Variants in TNNI3K observed in about 807,000 individuals in gnomAD.
TNNI3K encodes serine/threonine-protein kinase TNNI3K.
TNNI3K carries 140 observed loss-of-function variants against 114.5 expected under a neutral mutation model. That is an observed-to-expected ratio of 1.22 (90% CI 1.07 to 1.41). TNNI3K has a LOEUF of 1.41. Among genes scored for constraint, TNNI3K ranks in the 40% most tolerant of loss-of-function variants. The probability of loss-of-function intolerance (pLI) is 0.00; values close to 1 mark genes in which losing one functional copy is unlikely to be tolerated. For missense variants in TNNI3K, 1,125 were observed against 1,007.6 expected (o/e 1.12, Z -1.58); for synonymous variants, 347 against 347.5 (o/e 1.00, Z 0.02).
chr1:74,371,798 C>T (rs1189885322), intron 17 of TNNI3K: 3 of 151,444 alleles, frequency 2.0e-5, no homozygotes, highest in Non-Finnish European at 4.4e-5. Flanking sequence ...AGCTGAAAAT[C>T]ACAAATTTGG....
chr1:74,379,834 C>A (rs1663107216), intron 17 of TNNI3K, among the ~76,000 whole-genome samples: 2 of 152,062 alleles, frequency 1.3e-5, no homozygotes, highest in African/African-American at 4.8e-5. Context: ...CTGAGTTGTC[C>A]TCTTTTTGTC....
At chr1:74,309,025 T>C (rs1350422780) in intron 5 of TNNI3K, among the ~76,000 whole-genome samples, 3 of 151,914 alleles carry the variant, frequency 2.0e-5, no homozygotes, top group African/African-American at 7.3e-5. Context: ...CTACCAACCA[T>C]AAAAAGCACT....
intron 21 of TNNI3K, 30 bp downstream of exon 21, chr1:74,463,580 T>C (rs1006694537): frequency 1.1e-5 from 17 of 1,610,116 alleles, no homozygotes; most frequent in Non-Finnish European, 1.1e-5. Flanking sequence ...TCTTAGAAAA[T>C]GTGTTATGGT....
chr1:74,416,618 C>T (rs1665127110), intron 17 of TNNI3K: 1 of 915,488 alleles, frequency 1.1e-6, no homozygotes, highest in South Asian at 5.0e-5. Context: ...CTCTTCTATT[C>T]ATTATTTTCC....
At chr1:74,327,622 A>G (rs1659980594) in intron 5 of TNNI3K, among the ~76,000 whole-genome samples, 1 of 139,474 alleles carries the variant, frequency 7.2e-6, no homozygotes, top group Non-Finnish European at 1.5e-5. Context: ...TATTAATAGT[A>G]TTATTATATG....
rs200416457 is a variant in TNNI3K, at chr1:74,544,189, A to G, written c.*207A>G. On this transcript the variant is annotated 3_prime_UTR_variant, in exon 25 of 25. Coordinates refer to ENST00000326637, the MANE Select transcript of TNNI3K (RefSeq NM_015978.3). ...ATAATATGCAAAAGAACCAAGACAG[A>G]ATGTATATGAAGAATTGTTTTTAAT... 3 of 509,342 alleles carry G rather than the reference A, an allele frequency of 5.9e-6. No individual in the cohort carries two copies. Among genetic ancestry groups the G allele is most frequent in the Non-Finnish European group, 1.0e-5 (3 of 297,748 alleles). 31.6% of individuals were successfully genotyped at this position (509,342 alleles called of 1,614,324 possible).
intron 21 of TNNI3K, among the ~76,000 whole-genome samples, chr1:74,481,909 T>A (rs1268236877): frequency 6.6e-6 from 1 of 151,970 alleles, no homozygotes; most frequent in African/African-American, 2.4e-5. Flanking sequence ...AAATCACAAA[T>A]CCCTTAGGAA....
At chr1:74,401,426 C>G (rs2100591243) in intron 17 of TNNI3K, among the ~76,000 whole-genome samples, 1 of 152,210 alleles carries the variant, frequency 6.6e-6, no homozygotes, top group African/African-American at 2.4e-5. Flanking sequence ...TTTAATAACA[C>G]TATCAGTGAG....
intron 11 of TNNI3K, among the ~76,000 whole-genome samples, chr1:74,365,884 A>G (rs1662244411): frequency 6.6e-6 from 1 of 152,060 alleles, no homozygotes; most frequent in Non-Finnish European, 1.5e-5. Context: ...ATAAGAAAAT[A>G]GACACTAGTT....
chr1:74,292,905 A>G (rs902489568), intron 5 of TNNI3K, among the ~76,000 whole-genome samples: 3 of 151,682 alleles, frequency 2.0e-5, no homozygotes, highest in Non-Finnish European at 4.4e-5. Flanking sequence ...ATAGTTTCCC[A>G]GGGTGAATTA....
chr1:74,542,226 T>C (rs1047849275), intron 24 of TNNI3K, among the ~76,000 whole-genome samples: 4 of 152,168 alleles, frequency 2.6e-5, no homozygotes, highest in East Asian at 3.9e-4. Flanking sequence ...TGGGGACATA[T>C]GTCCACAATC....
rs1646743962 is a variant in TNNI3K at position 74,543,028 on chromosome 1, A to G, written c.2432-878A>G. ...ACAAAGCCATCTGGTTTGAGAAAGA[A>G]AGGCTCTTTCCTTTTCCTTTTCTTT... On this transcript the variant is annotated intron_variant, in intron 24 of 24. Coordinates refer to ENST00000326637, the MANE Select transcript of TNNI3K (RefSeq NM_015978.3). 2.0e-5 allele frequency among the ~76,000 whole-genome samples: 3 copies of G among 151,768 alleles called. No homozygotes were observed. The South Asian group carries it at 6.2e-4, about 32-fold the overall frequency.
intron 17 of TNNI3K, among the ~76,000 whole-genome samples, chr1:74,391,878 A>G (rs920887783): frequency 1.3e-5 from 2 of 151,522 alleles, no homozygotes; most frequent in African/African-American, 4.8e-5. Context: ...AGTTATCACT[A>G]TGCTGAATGT....
intron 17 of TNNI3K, among the ~76,000 whole-genome samples, chr1:74,381,123 T>C (rs1663182531): frequency 6.6e-6 from 1 of 152,160 alleles, no homozygotes; most frequent in Non-Finnish European, 1.5e-5. Context: ...CTAAATAATG[T>C]TAATCTTCTC....
chr1:74,525,031 G>C (rs1646485541), intron 23 of TNNI3K, among the ~76,000 whole-genome samples: 2 of 152,294 alleles, frequency 1.3e-5, no homozygotes, highest in Non-Finnish European at 2.9e-5. Context: ...TGGGCTATGA[G>C]CTGGACACTG....
At chr1:74,357,958 G>C (rs1365531295) in intron 11 of TNNI3K, among the ~76,000 whole-genome samples, 1 of 151,970 alleles carries the variant, frequency 6.6e-6, no homozygotes, top group Non-Finnish European at 1.5e-5. Context: ...TCACCAGTAT[G>C]GAAAACCCAT....
chr1:74,406,548 GC>G, intron 17 of TNNI3K, among the ~76,000 whole-genome samples: 1 of 152,210 alleles, frequency 6.6e-6, no homozygotes, highest in East Asian at 1.9e-4. Flanking sequence ...TGTCTCTTCT[GC>G]CTTCAGCTCC....
intron 23 of TNNI3K, among the ~76,000 whole-genome samples, chr1:74,514,214 A>C (rs1646312665): frequency 6.6e-6 from 1 of 152,218 alleles, no homozygotes; most frequent in Non-Finnish European, 1.5e-5. Flanking sequence ...ATCAAGTATA[A>C]GATACGGTCT....
At chr1:74,304,647 G>A (rs1307944929) in intron 5 of TNNI3K, among the ~76,000 whole-genome samples, 2 of 151,882 alleles carry the variant, frequency 1.3e-5, no homozygotes, top group East Asian at 3.9e-4. Context: ...GTCTCACTAT[G>A]TTTCCCGGGC....
Sources: gnomAD v4.1 joint callset for allele counts (sites outside exome capture counted in the v4.1 genomes callset) on GRCh38, gnomAD v4.1.1 for gene constraint, MANE v1.5 for transcripts, NCBI Gene and HGNC (gene_info 2026-07-23, HGNC 2026-07-21) for gene names.